Variants in RNF6 observed in about 807,000 individuals in gnomAD.
RNF6 encodes the protein E3 ubiquitin-protein ligase RNF6.
In RNF6, 21 loss-of-function variants were observed where a neutral mutation model predicts 50.1. That is an observed-to-expected ratio of 0.42 (90% CI 0.30 to 0.60). The LOEUF (loss-of-function observed/expected upper bound fraction) is 0.60. RNF6 is among the 20% of genes least tolerant of loss of function. The pLI is 0.20. For synonymous variants in RNF6, 255 were observed against 291.8 expected (o/e 0.87, Z 1.29); for missense variants, 698 against 838.2 (o/e 0.83, Z 2.07).
Position 26,214,087 on chromosome 13 carries a change from C to G in RNF6, c.1795G>C (p.Asp599His), listed in dbSNP as rs781508698. 5.6e-6 allele frequency: 9 copies of G among 1,614,162 alleles called. No homozygotes were observed. In the South Asian group the frequency reaches 9.9e-5, roughly 18 times the overall value. ...AHFFLLNESD[D>H]DDRIRGLTKE... ...GTTAAACCACGTATTCGATCATCAT[C>G]ATCACTTTCATTTAGTAAAAAAAAG... The change falls in exon 5 of 5, where the codon GAT becomes CAT. Residue 599 changes from aspartate (D) to histidine (H), a missense_variant. Transcript: ENST00000381588.
intron 5 of RNF6, among the ~76,000 whole-genome samples, chr13:26,147,863 G>A (rs1871331840): frequency 6.6e-6 from 1 of 152,184 alleles, no homozygotes; most frequent in Admixed American, 6.5e-5. Context: ...AAATCCCTGA[G>A]TTATTTCCCT....
intron 5 of RNF6, among the ~76,000 whole-genome samples, chr13:26,168,575 G>A (rs529657719): frequency 2.0e-5 from 3 of 152,276 alleles, no homozygotes; most frequent in African/African-American, 4.8e-5. Context: ...GGTTGTTTAC[G>A]TAAATGGTGT....
rs200534895 is a variant in RNF6 at position 26,214,925 on chromosome 13, A to C, written c.957T>G (p.Ser319Arg). ...SRSRSPIQRQSGTVYHNSQRE... is the reference protein window; with the variant it reads ...SRSRSPIQRQRGTVYHNSQRE... ...TTTGGGAATTATGATAAACAGTGCC[A>C]CTCTGTCTCTGAATTGGTGAACGGC... Residue 319 changes from serine to arginine, a missense_variant, in exon 5 of 5, where the codon AGT becomes AGG. Physicochemically the swap from Ser to Arg is moderately radical, Grantham distance 110. Coordinates refer to ENST00000381588, the MANE Select transcript of RNF6 (RefSeq NM_005977.4). 4.1e-5 allele frequency: 66 copies of C among 1,614,154 alleles called. No homozygotes were observed. The highest frequency in any genetic ancestry group is 5.2e-5 in the Non-Finnish European group (61 of 1,180,030).
At chr13:26,179,479 G>T (rs550762910) in intron 5 of RNF6, among the ~76,000 whole-genome samples, 132 of 152,278 alleles carry the variant, frequency 8.7e-4, no homozygotes, top group African/African-American at 3.1e-3. Flanking sequence ...GGGCATTTGG[G>T]ATCACTGAGT....
At chr13:26,155,048 A>AC (rs1464717007) in intron 5 of RNF6, among the ~76,000 whole-genome samples, 8 of 151,894 alleles carry the variant, frequency 5.3e-5, no homozygotes, top group Non-Finnish European at 1.2e-4. Context: ...CAAAAAACAA[A>AC]AAAAAAACTC....
chr13:26,170,381 C>T (rs1400999173), intron 5 of RNF6, among the ~76,000 whole-genome samples: 1 of 152,164 alleles, frequency 6.6e-6, no homozygotes, highest in Admixed American at 6.5e-5. Context: ...GTTGACGGTC[C>T]TATAGTCCAA....
rs1379304514 is a variant in RNF6, at chr13:26,213,275, T to A, written c.*549A>T. 1 of 152,634 alleles carries A rather than the reference T, an allele frequency of 6.6e-6. No individual in the cohort carries two copies. Among genetic ancestry groups the A allele is most frequent in the Non-Finnish European group, 1.5e-5 (1 of 68,020 alleles). The allele number at this position is 152,634 out of a possible 1,614,324, so 9.5% of individuals were successfully genotyped here. ...AGAACCAAACTTGTAGACTGAATAT[T>A]TTAACCTTAAAATTATATACCTATA... On this transcript the variant is annotated 3_prime_UTR_variant, in exon 5 of 5. Transcript: ENST00000381588.
At chr13:26,164,147 A>G (rs1872338963) in intron 5 of RNF6, among the ~76,000 whole-genome samples, 2 of 152,334 alleles carry the variant, frequency 1.3e-5, no homozygotes, top group South Asian at 4.1e-4. Flanking sequence ...CAGCTAATTA[A>G]GTATGGGTTT....
Position 26,214,168 on chromosome 13 carries a change from G to A in RNF6, c.1714C>T (p.Arg572Ter), listed in dbSNP as rs759336255. The A allele has an allele frequency of 3.7e-6, 6 of 1,614,010 alleles. No homozygotes were observed. Among genetic ancestry groups the A allele is most frequent in the African/African-American group, 1.3e-5 (1 of 74,884 alleles). The change falls in exon 5 of 5, where the codon CGA becomes TGA. Residue 572 changes from arginine (R) to a stop codon, truncating the protein, a stop_gained. Transcript: ENST00000381588. LOFTEE classifies it high-confidence loss of function. ...NSDSRGGRQLRNPNNLVETGT... is the reference protein window; with the variant it reads ...NSDSRGGRQL ...GTTTCAACTAAATTGTTTGGATTTC[G>A]CAACTGCCTGCCACCCCTACTGTCA...
chr13:26,149,682 A>G (rs1871450617), intron 5 of RNF6, among the ~76,000 whole-genome samples: 1 of 151,566 alleles, frequency 6.6e-6, no homozygotes, highest in Non-Finnish European at 1.5e-5. Flanking sequence ...TTGCCCTTAC[A>G]TGACTCCCTT....
intron 5 of RNF6, among the ~76,000 whole-genome samples, chr13:26,196,401 A>G (rs1195146510): frequency 6.6e-6 from 1 of 152,214 alleles, no homozygotes; most frequent in Non-Finnish European, 1.5e-5. Flanking sequence ...CTGTAATCCC[A>G]GCACTTTGGG....
At chr13:26,188,838 C>A (rs556411630) in intron 5 of RNF6, among the ~76,000 whole-genome samples, 8 of 151,660 alleles carry the variant, frequency 5.3e-5, no homozygotes, top group Admixed American at 5.3e-4. Flanking sequence ...ACATGTTGGC[C>A]AGGATGGTCT....
intron 5 of RNF6, among the ~76,000 whole-genome samples, chr13:26,166,108 T>C (rs9578970): frequency 0.012 from 1,870 of 152,254 alleles, 40 homozygotes; most frequent in African/African-American, 0.043. Flanking sequence ...CCTGTGCTTT[T>C]CTAGTGATAG....
chr13:26,216,500 ATG>A (rs1490725847), intron 4 of RNF6, among the ~76,000 whole-genome samples: 1 of 152,186 alleles, frequency 6.6e-6, no homozygotes, highest in Non-Finnish European at 1.5e-5. Flanking sequence ...CAATTTAGAA[ATG>A]TGTCACCCAT....
intron 5 of RNF6, among the ~76,000 whole-genome samples, chr13:26,186,133 A>G (rs574449430): frequency 3.3e-5 from 5 of 152,356 alleles, no homozygotes; most frequent in African/African-American, 1.2e-4. Flanking sequence ...CAAGGCGCCC[A>G]TGTCAAAGCT....
chr13:26,149,840 A>T (rs938836003), intron 5 of RNF6, among the ~76,000 whole-genome samples: 1 of 147,786 alleles, frequency 6.8e-6, no homozygotes, highest in African/African-American at 2.5e-5. Context: ...GCATAAACAC[A>T]CATACACAGT....
Position 26,141,117 on chromosome 13 carries a change from G to GA in RNF6, n.769-8667dup, listed in dbSNP as rs551308348. ...GCCAACATCATTTTTCACGGAATTA[G>GA]AAAAAACTATTCTAAAATTCATATG... On this transcript the variant is annotated intron_variant and non_coding_transcript_variant, in intron 5 of 5. Coordinates refer to the RNF6 transcript ENST00000468480. Among the ~76,000 whole-genome samples, 545 of 152,140 alleles carry GA rather than the reference G, an allele frequency of 3.6e-3. 4 individuals are homozygous for GA. Among genetic ancestry groups the GA allele is most frequent in the African/African-American group, 0.013 (523 of 41,496 alleles).
intron 5 of RNF6, among the ~76,000 whole-genome samples, chr13:26,183,799 A>G (rs904249901): frequency 7.3e-5 from 11 of 151,322 alleles, no homozygotes; most frequent in African/African-American, 2.4e-4. Flanking sequence ...CACAGAAAGT[A>G]TAGATTACTT....
Position 26,215,188 on chromosome 13 carries a change from A to G in RNF6, c.694T>C (p.Leu232=). 6.2e-7 allele frequency: 1 copy of G among 1,614,180 alleles called. No individual in the cohort carries two copies. Among genetic ancestry groups the G allele is most frequent in the Non-Finnish European group, 8.5e-7 (1 of 1,180,026 alleles). ...CCAATTCCATTTCTTAACCTTCCCA[A>G]TGTTGAGAAAGATCCTTCAGCTGGA... ...QNPAEGSFST[L]GRLRNGIGGA... The change falls in exon 5 of 5, where the codon TTG becomes CTG. Residue 232 remains leucine (L), a synonymous_variant. Transcript: ENST00000381588.
Sources: allele counts gnomAD v4.1 joint callset (sites outside exome capture counted in the v4.1 genomes callset), GRCh38; gene constraint gnomAD v4.1.1; transcripts MANE v1.5; gene names NCBI Gene and HGNC (gene_info 2026-07-23, HGNC 2026-07-21).